The following LTBP3 variants were observed in gnomAD, a reference collection of about 807,000 sequenced individuals.
The protein encoded by LTBP3 is latent-transforming growth factor beta-binding protein 3.
Under a neutral mutation model 159.7 loss-of-function variants are expected in LTBP3, and 97 were observed. The observed-to-expected ratio is 0.61, with a 90% CI of 0.52 to 0.72. The LOEUF (loss-of-function observed/expected upper bound fraction) is 0.72. Ranked by LOEUF, LTBP3 falls within the 30% of genes least tolerant of loss-of-function variation. LTBP3 has a pLI of 0.00. For missense variants in LTBP3, 1,584 were observed against 1,864.3 expected (o/e 0.85, Z 2.77); for synonymous variants, 824 against 777.1 (o/e 1.06, Z -1.00).
Position 65,543,411 on chromosome 11 carries a change from C to G in LTBP3, c.2476+16G>C. 6.2e-7 allele frequency: 1 copy of G among 1,613,834 alleles called. No homozygotes were observed. Among genetic ancestry groups the G allele is most frequent in the Non-Finnish European group, 8.5e-7 (1 of 1,179,948 alleles). The stretch of plus-strand genomic sequence containing the variant: ...AGGGAGGGACAGGTCAGCACCCCAG[C>G]TCTAAGATCCCTCACCCTCGCAGTG... On this transcript the variant is annotated intron_variant, in intron 17 of 27. Coordinates refer to ENST00000301873, the MANE Select transcript of LTBP3 (RefSeq NM_001130144.3).
At chr11:65,539,910 G>A (rs1856001276) in intron 24 of LTBP3, 29 bp from the exon 25 acceptor site, 13 of 1,500,986 alleles carry the variant, frequency 8.7e-6, no homozygotes, top group East Asian at 2.7e-5. Flanking sequence ...ATCAGGGGAG[G>A]GGCCCAAGGC....
chr11:65,548,089 C>G, intron 11 of LTBP3, 44 bp from the exon 12 acceptor site: 1 of 1,612,824 alleles, frequency 6.2e-7, no homozygotes, highest in South Asian at 1.1e-5. Flanking sequence ...GGAGCGCTCA[C>G]CTTCTGCCAT....
chr11:65,549,758 A>G (rs1404283778), intron 11 of LTBP3, among the ~76,000 whole-genome samples: 3 of 14,386 alleles, frequency 2.1e-4, no homozygotes, highest in Admixed American at 1.1e-3. Flanking sequence ...CCAGGCCGGG[A>G]AAAAAAAAAA....
At position 65,551,825 on chromosome 11, in the gene LTBP3, G is replaced by A. The variant is rs1332558699; in HGVS notation, c.1531+147C>T. On this transcript the variant is annotated intron_variant, in intron 8 of 27. Coordinates refer to ENST00000301873, the MANE Select transcript of LTBP3 (RefSeq NM_001130144.3). Reference sequence around the variant, plus strand: ...TCAGGGTCAAATATCTGGGTCAGGGGTCAGAGGGTCAGGTGGGAGGTCAGT... The same window carrying A: ...TCAGGGTCAAATATCTGGGTCAGGGATCAGAGGGTCAGGTGGGAGGTCAGT... 5.8e-6 allele frequency: 6 copies of A among 1,040,566 alleles called. No individual in the cohort carries two copies. In the African/African-American group the frequency reaches 9.4e-5, roughly 16 times the overall value. The allele number at this position is 1,040,566 out of a possible 1,614,324, so 64.5% of individuals were successfully genotyped here. A position where few individuals can be genotyped will look rare whatever the true frequency, so the allele number is the denominator to read the frequency against.
At chr11:65,556,571 C>T (rs1436294647) in intron 1 of LTBP3, among the ~76,000 whole-genome samples, 3 of 152,192 alleles carry the variant, frequency 2.0e-5, no homozygotes, top group Admixed American at 1.3e-4. Context: ...TCTCTAACAG[C>T]GACTAGAGAC....
intron 18 of LTBP3, 78 bp downstream of exon 18, chr11:65,543,025 ATG>A: frequency 6.3e-7 from 1 of 1,585,182 alleles, no homozygotes; most frequent in Non-Finnish European, 8.6e-7. Context: ...GGATGGATGG[ATG>A]GAGAAAGGCC....
chr11:65,547,655 C>A lies in LTBP3; in HGVS notation c.1978+35G>T. On this transcript the variant is annotated intron_variant, in intron 13 of 27. Coordinates refer to ENST00000301873, the MANE Select transcript of LTBP3 (RefSeq NM_001130144.3). The surrounding 1 kb of genome is among the most constrained non-coding windows in gnomAD (Gnocchi z 4.6). ...ACGGCGGTCTGGAGGAGAGCCCGTC[C>A]CACCCAGGGCCGCCTCCGCCCTGGC... The A allele has an allele frequency of 1.2e-6, 2 of 1,606,290 alleles. No individual in the cohort carries two copies. The highest frequency in any genetic ancestry group is 1.7e-6 in the Non-Finnish European group (2 of 1,177,910).
At chr11:65,556,673 GAC>G (rs1393615222) in intron 1 of LTBP3, among the ~76,000 whole-genome samples, 2 of 152,226 alleles carry the variant, frequency 1.3e-5, no homozygotes, top group East Asian at 1.9e-4. Context: ...TATGCGCACA[GAC>G]ACACGCACGC....
Position 65,540,344 on chromosome 11 carries a change from C to A in LTBP3, c.3145G>T (p.Gly1049Ter). Residue 1049 changes from glycine (G) to a stop codon, truncating the protein, a stop_gained, in exon 23 of 28, where the codon GGA becomes TGA. Coordinates refer to ENST00000301873, the MANE Select transcript of LTBP3 (RefSeq NM_001130144.3). LOFTEE classifies it high-confidence loss of function. ...CCGCCGCGCGTGTTCTCACACACTC[C>A]GTTCCGGCAGTTGGACTCGTCCAGG... is the stretch of plus-strand genomic sequence containing the variant. ...ECLDESNCRN[G>*]VCENTRGGYR... 6.3e-7 allele frequency: 1 copy of A among 1,587,066 alleles called. No homozygotes were observed. Among genetic ancestry groups the A allele is most frequent in the Non-Finnish European group, 8.6e-7 (1 of 1,168,048 alleles).
rs760391551 is a variant in LTBP3, at chr11:65,553,552, G to A, written c.865-22C>T. On this transcript the variant is annotated intron_variant, in intron 3 of 27. Transcript: ENST00000301873. The surrounding 1 kb of genome is among the most constrained non-coding windows in gnomAD (Gnocchi z 6.5). ...CACACTAGGGGAAGGAGGGGGAGGT[G>A]GGGTCACAGAGCACCCCGCCCCGGT... is the stretch of plus-strand genomic sequence containing the variant. The A allele has an allele frequency of 3.3e-6, 5 of 1,519,530 alleles. No homozygotes were observed. In the Admixed American group the frequency reaches 8.4e-5, roughly 26 times the overall value. The allele number at this position is 1,519,530 out of a possible 1,614,324, so 94.1% of individuals were successfully genotyped here.
In LTBP3 at chr11:65,553,662, A is replaced by C. The variant is rs1387574213; in HGVS notation, c.864+39T>G. 6.5e-7 allele frequency: 1 copy of C among 1,549,868 alleles called. No individual in the cohort carries two copies. Among genetic ancestry groups the C allele is most frequent in the South Asian group, 1.2e-5 (1 of 85,736 alleles). The stretch of plus-strand genomic sequence containing the variant: ...AGTGAGTTGGGGCAGAGCAACCCTG[A>C]GAGAAGGAAAGGCAGATCCCGACTG... On this transcript the variant is annotated intron_variant, in intron 3 of 27. Coordinates refer to ENST00000301873, the MANE Select transcript of LTBP3 (RefSeq NM_001130144.3). This position sits in a 1 kb window ranked among gnomAD's most constrained non-coding sequence, Gnocchi z 6.5.
In LTBP3 at chr11:65,552,388, T is replaced by C. The variant is rs1276269831; in HGVS notation, c.1205A>G (p.Lys402Arg). ...TQCIADKPEE[K>R]SLCFRLVSPE... ...GCTCACCAGGCGGAAACACAGGCTC[T>C]TCTCCTCCGGTTTGTCTGCTGCAGG... Residue 402 changes from lysine (K) to arginine (R), a missense_variant, in exon 7 of 28, where the codon AAG (lysine) becomes AGG (arginine). Physicochemically the swap from Lys to Arg is conservative, Grantham distance 26. This residue lies in a region of LTBP3 where 156 missense variants were observed against 259.7 expected (regional missense o/e 0.60). Coordinates refer to ENST00000301873, the MANE Select transcript of LTBP3 (RefSeq NM_001130144.3). The surrounding 1 kb of genome is among the most constrained non-coding windows in gnomAD (Gnocchi z 6.0). 2 of 1,613,582 alleles carry C rather than the reference T, an allele frequency of 1.2e-6. No individual in the cohort carries two copies. The highest frequency in any genetic ancestry group is 2.2e-5 in the South Asian group (2 of 91,056).
In LTBP3 at chr11:65,540,898, C is replaced by A. The variant is rs771440410; in HGVS notation, c.2950G>T (p.Val984Phe). ...CGGTGGGCTGGGATGCCGTAGTTGACGATGTTGTTGTCCTGGGTGTAGCCC... is the reference window on the plus strand; with the variant it reads ...CGGTGGGCTGGGATGCCGTAGTTGAAGATGTTGTTGTCCTGGGTGTAGCCC... ...GKGYTQDNNI[V>F]NYGIPAHRDI... is the part of the protein sequence containing the mutation. Residue 984 changes from valine (V) to phenylalanine (F), a missense_variant, in exon 21 of 28, where the codon GTC becomes TTC. By Grantham distance (50) the Val-to-Phe change is conservative (BLOSUM62 -1). Around this residue, in one of 6 missense-constraint regions of LTBP3, gnomAD observed 514 missense variants for 530.3 expected, o/e 0.97. Transcript: ENST00000301873. The A allele has an allele frequency of 4.3e-6, 7 of 1,613,382 alleles. No individual in the cohort carries two copies. The highest frequency in any genetic ancestry group is 2.2e-5 in the East Asian group (1 of 44,862).
rs2135117261 is a variant in LTBP3 at position 65,539,586 on chromosome 11, C to T, written c.3590G>A (p.Trp1197Ter). The change falls in exon 26 of 28, where the codon TGG (tryptophan) becomes TAG (stop). Residue 1197 changes from tryptophan to a stop codon, truncating the protein, a stop_gained. Coordinates refer to ENST00000301873, the MANE Select transcript of LTBP3 (RefSeq NM_001130144.3). LOFTEE classifies it high-confidence loss of function. ...PTSQSESNSF[W>*]DTSPLLLGKP... ...CCCCAACAGCAGGGGGCTTGTGTCCCAGAAGGAATTGCTCTCGCTCTGCGA... is the reference window on the plus strand; with the variant it reads ...CCCCAACAGCAGGGGGCTTGTGTCCTAGAAGGAATTGCTCTCGCTCTGCGA... 2 of 1,612,970 alleles carry T rather than the reference C, an allele frequency of 1.2e-6. No individual in the cohort carries two copies. The highest frequency in any genetic ancestry group is 1.7e-6 in the Non-Finnish European group (2 of 1,179,436).
intron 11 of LTBP3, among the ~76,000 whole-genome samples, chr11:65,550,684 C>T (rs1050229732): frequency 7.4e-5 from 11 of 149,310 alleles, no homozygotes; most frequent in African/African-American, 1.2e-4. Context: ...ATTAGCTGGA[C>T]GTGGTGGCGC....
rs771440410 is a variant in LTBP3 at position 65,540,898 on chromosome 11, C to T, written c.2950G>A (p.Val984Ile). The T allele has an allele frequency of 6.2e-7, 1 of 1,613,382 alleles. No individual in the cohort carries two copies. The highest frequency in any genetic ancestry group is 8.5e-7 in the Non-Finnish European group (1 of 1,179,740). The change falls in exon 21 of 28, where the codon GTC (valine) becomes ATC (isoleucine). Residue 984 changes from valine to isoleucine, a missense_variant. By Grantham distance (29) the Val-to-Ile change is conservative. Around this residue, in one of 6 missense-constraint regions of LTBP3, gnomAD observed 514 missense variants for 530.3 expected, o/e 0.97. Coordinates refer to ENST00000301873, the MANE Select transcript of LTBP3 (RefSeq NM_001130144.3). ...GKGYTQDNNI[V>I]NYGIPAHRDI... is the part of the protein sequence containing the mutation. ...CGGTGGGCTGGGATGCCGTAGTTGA[C>T]GATGTTGTTGTCCTGGGTGTAGCCC... is the stretch of plus-strand genomic sequence containing the variant.
intron 20 of LTBP3, 69 bp downstream of exon 20, chr11:65,541,056 GC>G: frequency 6.3e-7 from 1 of 1,583,800 alleles, no homozygotes; most frequent in Non-Finnish European, 8.6e-7. Context: ...GCCAGGGGGC[GC>G]CATTTCCCAC....
chr11:65,541,442 G>C, intron 19 of LTBP3, 149 bp from the exon 20 acceptor site: 1 of 1,423,502 alleles, frequency 7.0e-7, no homozygotes, highest in Non-Finnish European at 9.7e-7. Context: ...GTGGTGTTCT[G>C]GACCCTTCAT....
At chr11:65,541,389 G>A in intron 19 of LTBP3, 96 bp from the exon 20 acceptor site, 1 of 1,500,026 alleles carries the variant, frequency 6.7e-7, no homozygotes, top group Non-Finnish European at 9.1e-7. Flanking sequence ...CACATTCCCT[G>A]GCTCCCCTTA....
Sources: allele counts gnomAD v4.1 joint callset (sites outside exome capture counted in the v4.1 genomes callset), GRCh38; gene constraint gnomAD v4.1.1; regional missense constraint gnomAD v4.1.1; non-coding constraint Gnocchi (gnomAD v3.1); transcripts MANE v1.5; gene names NCBI Gene and HGNC (gene_info 2026-07-23, HGNC 2026-07-21).